Variants in RBFOX1 observed in about 807,000 individuals in gnomAD.
RBFOX1 encodes RNA binding fox-1 homolog 1, also known as RNA binding protein fox-1 homolog 1.
In RBFOX1, 8 loss-of-function variants were observed where a neutral mutation model predicts 57.7. That is an observed-to-expected ratio of 0.14 (90% CI 0.08 to 0.25). The LOEUF (loss-of-function observed/expected upper bound fraction) is 0.25, where lower values mean the gene tolerates loss of function less well. Ranked by LOEUF, RBFOX1 falls within the 10% of genes least tolerant of loss-of-function variation. The pLI is 1.00. For synonymous variants in RBFOX1, 326 were observed against 222.4 expected (o/e 1.47, Z -4.15); for missense variants, 611 against 548.5 (o/e 1.11, Z -1.14).
intron 3 of RBFOX1, among the ~76,000 whole-genome samples, chr16:5,695,394 G>A (rs1289743235): frequency 6.6e-6 from 1 of 152,066 alleles, no homozygotes; most frequent in Admixed American, 6.6e-5. Context: ...ATGGTAAATC[G>A]CTTAGAAATC....
intron 3 of RBFOX1, among the ~76,000 whole-genome samples, chr16:5,625,743 A>G (rs1204346998): frequency 2.6e-5 from 4 of 151,654 alleles, no homozygotes; most frequent in Non-Finnish European, 4.4e-5. Flanking sequence ...TTTTTGGTAG[A>G]GACAGGGTTT....
chr16:7,588,919 G>A (rs982483256), intron 7 of RBFOX1, among the ~76,000 whole-genome samples: 3 of 152,126 alleles, frequency 2.0e-5, no homozygotes, highest in Non-Finnish European at 4.4e-5. Flanking sequence ...TCTGTCAGAT[G>A]AGCAAAAACA....
intron 3 of RBFOX1, among the ~76,000 whole-genome samples, chr16:6,869,201 C>G (rs2060450784): frequency 6.6e-6 from 1 of 152,326 alleles, no homozygotes; most frequent in East Asian, 1.9e-4. Flanking sequence ...TTCCTTCCCC[C>G]ACTTGCCATT....
intron 11 of RBFOX1, among the ~76,000 whole-genome samples, chr16:7,650,456 C>A (rs1418229546): frequency 1.3e-5 from 2 of 151,932 alleles, no homozygotes; most frequent in Admixed American, 6.6e-5. Context: ...GCCCAAAGAA[C>A]CTCCTAGGAA....
In RBFOX1 at chr16:6,437,764, A is replaced by G. The variant is rs549955999; in HGVS notation, c.-64+120707A>G. Among the ~76,000 whole-genome samples the G allele has an allele frequency of 4.6e-5, 7 of 152,310 alleles. No individual in the cohort carries two copies. In the East Asian group the frequency reaches 1.2e-3, roughly 25 times the overall value. On this transcript the variant is annotated intron_variant, in intron 2 of 15. Coordinates refer to ENST00000550418, the MANE Select transcript of RBFOX1 (RefSeq NM_018723.4). ...CATGGTGGCAGGAGAGAGAGTGAAG[A>G]GGGAAGTTTTACAGACTTTTAAATA...
At chr16:6,518,797 G>GTCTGTCTGTCTATCTATCTA (rs1278136972) in intron 2 of RBFOX1, among the ~76,000 whole-genome samples, 2 of 103,980 alleles carry the variant, frequency 1.9e-5, no homozygotes, top group African/African-American at 7.0e-5. Context: ...CTGTGTGTCT[G>GTCTGTCTGTCTATCTATCTA]TCTATCTATC....
At chr16:7,465,194 A>T (rs1288276311) in intron 4 of RBFOX1, among the ~76,000 whole-genome samples, 1 of 152,114 alleles carries the variant, frequency 6.6e-6, no homozygotes, top group Non-Finnish European at 1.5e-5. Context: ...TTACAAACCT[A>T]GCTCAATCTT....
intron 2 of RBFOX1, among the ~76,000 whole-genome samples, chr16:6,420,603 C>G (rs1038390206): frequency 1.2e-4 from 19 of 152,148 alleles, no homozygotes; most frequent in African/African-American, 4.3e-4. Flanking sequence ...GGCCCTATTA[C>G]AGATAATGCT....
intron 1 of RBFOX1, among the ~76,000 whole-genome samples, chr16:6,118,661 C>T (rs1294596314): frequency 6.7e-6 from 1 of 150,000 alleles, no homozygotes; most frequent in Non-Finnish European, 1.5e-5. Context: ...TTTCCCTCTC[C>T]TTCCTTCCTT....
chr16:7,323,159 C>G (rs545093971), intron 4 of RBFOX1, among the ~76,000 whole-genome samples: 3 of 152,218 alleles, frequency 2.0e-5, no homozygotes, highest in Admixed American at 1.3e-4. Flanking sequence ...GCACATGGCT[C>G]ATGCCTGTAA....
intron 3 of RBFOX1, among the ~76,000 whole-genome samples, chr16:6,656,599 GACACACAC>G (rs60723864): frequency 4.9e-4 from 72 of 146,394 alleles, no homozygotes; most frequent in Non-Finnish European, 7.8e-4. Flanking sequence ...GGGGAAAATA[GACACACAC>G]ACACACACAC....
intron 3 of RBFOX1, among the ~76,000 whole-genome samples, chr16:5,659,793 C>G (rs768079624): frequency 4.6e-5 from 7 of 152,182 alleles, no homozygotes; most frequent in Non-Finnish European, 8.8e-5. Context: ...TTAGCAGAAT[C>G]TGTGGCTTTG....
chr16:6,610,228 CTGTT>C (rs1282670626), intron 2 of RBFOX1, among the ~76,000 whole-genome samples: 3 of 152,120 alleles, frequency 2.0e-5, no homozygotes, highest in Admixed American at 6.6e-5. Flanking sequence ...TTCTTTTCCA[CTGTT>C]TGTTTTTAAA....
Position 6,779,657 on chromosome 16 carries a change from C to G in RBFOX1, c.-16+125007C>G, listed in dbSNP as rs573756289. On this transcript the variant is annotated intron_variant, in intron 3 of 15. Transcript: ENST00000550418. The stretch of plus-strand genomic sequence containing the variant: ...ATAGTATACAAGGGTTCCCTCTTCT[C>G]CATATCCTTACCAGCATTCATTATT... 2.9e-5 allele frequency among the ~76,000 whole-genome samples: 4 copies of G among 140,258 alleles called. No individual in the cohort carries two copies. The East Asian group carries it at 6.1e-4, about 22-fold the overall frequency. The allele number at this position is 140,258 out of a possible 152,430, so 92.0% of individuals were successfully genotyped here.
chr16:6,083,402 A>C (rs1008713371), intron 1 of RBFOX1, among the ~76,000 whole-genome samples: 1 of 152,238 alleles, frequency 6.6e-6, no homozygotes, highest in African/African-American at 2.4e-5. Flanking sequence ...ATGTGTTCCT[A>C]GATATGCTGT....
rs188529829 is a variant in RBFOX1, at chr16:7,691,191, A to G, written c.995+14353A>G. Among the ~76,000 whole-genome samples, 211 of 143,944 alleles carry G rather than the reference A, an allele frequency of 1.5e-3. 1 individual carries two copies. The highest frequency in any genetic ancestry group is 2.5e-3 in the Admixed American group (35 of 13,822). The allele number at this position is 143,944 out of a possible 152,430, so 94.4% of individuals were successfully genotyped here. The stretch of plus-strand genomic sequence containing the variant: ...TAGCTGTTAACTCCTTTTAAATGTC[A>G]CTATTATTGAGAACTCTGCCTTGAA... On this transcript the variant is annotated intron_variant, in intron 14 of 15. Coordinates refer to ENST00000550418, the MANE Select transcript of RBFOX1 (RefSeq NM_018723.4).
chr16:5,299,871 T>C (rs2151195298), intron 1 of RBFOX1, among the ~76,000 whole-genome samples: 1 of 152,286 alleles, frequency 6.6e-6, no homozygotes, highest in African/African-American at 2.4e-5. Context: ...TTATTCCTGA[T>C]CTTAAGGGAA....
At chr16:6,289,159 C>T (rs2077198861) in intron 1 of RBFOX1, among the ~76,000 whole-genome samples, 1 of 152,182 alleles carries the variant, frequency 6.6e-6, no homozygotes, top group Non-Finnish European at 1.5e-5. Context: ...ATGATCTTTC[C>T]TCCAAATCAC....
Position 5,446,492 on chromosome 16 carries a change from C to G in RBFOX1, c.220-20724C>G, listed in dbSNP as rs73526856. Among the ~76,000 whole-genome samples, 405 of 152,202 alleles carry G rather than the reference C, an allele frequency of 2.7e-3. 3 individuals carry two copies. The highest frequency in any genetic ancestry group is 9.4e-3 in the African/African-American group (391 of 41,524). On this transcript the variant is annotated intron_variant, in intron 1 of 2. Transcript: ENST00000585867. The stretch of plus-strand genomic sequence containing the variant: ...CTGTTGATTAAACCTGGTTGTCTCC[C>G]TAAATGGTCCTCTGGATATATTTGT...
Sources: allele counts gnomAD v4.1 joint callset (sites outside exome capture counted in the v4.1 genomes callset), GRCh38; gene constraint gnomAD v4.1.1; transcripts MANE v1.5; gene names NCBI Gene and HGNC (gene_info 2026-07-23, HGNC 2026-07-21).